Variants in SYNPR observed in about 807,000 individuals in gnomAD.
SYNPR encodes the protein synaptoporin.
A neutral mutation model predicts 32.9 loss-of-function variants in SYNPR; 23 were observed. The ratio of observed to expected loss-of-function variants is 0.70; its 90% confidence interval spans 0.50 to 0.99. The LOEUF (loss-of-function observed/expected upper bound fraction) is 0.99. Among genes scored for constraint, SYNPR ranks in the 50% least tolerant of loss-of-function variants. SYNPR has a pLI of 0.00. For synonymous variants in SYNPR, 146 were observed against 135.9 expected, an observed-to-expected ratio of 1.07 and a Z score of -0.52; for missense variants, 318 against 349.3, an observed-to-expected ratio of 0.91 and a Z score of 0.71.
At chr3:63,339,689 G>A (rs13099815) in intron 2 of SYNPR, among the ~76,000 whole-genome samples, 31,459 of 149,472 alleles carry the variant, frequency 0.21, 3,723 homozygotes, top group South Asian at 0.38. Flanking sequence ...ATGGAGTTTC[G>A]CTCTGTCACC....
chr3:63,271,288 CA>C (rs749641585), intron 3 of SYNPR, among the ~76,000 whole-genome samples: 1 of 152,080 alleles, frequency 6.6e-6, no homozygotes, highest in Non-Finnish European at 1.5e-5. Flanking sequence ...AGAACTTAGG[CA>C]GGCAGAGATT....
At chr3:63,252,617 T>A (rs1251396064) in intron 2 of SYNPR, 1 of 152,194 alleles carries the variant, frequency 6.6e-6, no homozygotes, top group Non-Finnish European at 1.5e-5. Context: ...AATGTGCTGA[T>A]AACAGAACAA....
At chr3:63,499,216 C>G (rs7642736) in intron 3 of SYNPR, among the ~76,000 whole-genome samples, 102,336 of 151,908 alleles carry the variant, frequency 0.67, 35,183 homozygotes, top group African/African-American at 0.81. Context: ...TAATAGAAAG[C>G]ATATATGGGC....
the SYNPR span, among the ~76,000 whole-genome samples, chr3:63,217,609 G>A: frequency 1.4e-5 from 2 of 147,848 alleles, no homozygotes; most frequent in African/African-American, 5.0e-5. Flanking sequence ...CCCACTGTCT[G>A]GCACTCCCTA....
intron 3 of SYNPR, among the ~76,000 whole-genome samples, chr3:63,550,945 A>G (rs997460265): frequency 6.6e-6 from 1 of 152,140 alleles, no homozygotes; most frequent in African/African-American, 2.4e-5. Context: ...TTTCCAGGCC[A>G]CATTTTATTC....
chr3:63,225,344 T>C (rs976351376), upstream of SYNPR, among the ~76,000 whole-genome samples: 9 of 152,230 alleles, frequency 5.9e-5, no homozygotes, highest in South Asian at 2.1e-4. Flanking sequence ...TCATGTGATA[T>C]GACCAATGGG....
chr3:63,609,157 G>T lies in SYNPR; in HGVS notation c.441G>T (p.Leu147Phe), dbSNP rs1340633265. ...TTGTCACTGTAGTCTTTTCGTTCTT[G>T]TGGTTGGTGGGTTCATCAGCTTGGG... ...DFIVTVVFSFLWLVGSSAWAK... is the reference protein window; with the variant it reads ...DFIVTVVFSFFWLVGSSAWAK... Residue 147 changes from leucine to phenylalanine, a missense_variant, in exon 5 of 6, where the codon TTG becomes TTT. Transcript: ENST00000478300. 2 of 1,610,406 alleles carry T rather than the reference G, an allele frequency of 1.2e-6. No homozygotes were observed. Among genetic ancestry groups the T allele is most frequent in the Non-Finnish European group, 1.7e-6 (2 of 1,178,274 alleles).
intron 2 of SYNPR, among the ~76,000 whole-genome samples, chr3:63,336,684 T>C (rs1415397938): frequency 6.6e-6 from 1 of 151,896 alleles, no homozygotes; most frequent in Non-Finnish European, 1.5e-5. Flanking sequence ...TAAGTGATCT[T>C]GGATTTGGTA....
chr3:63,408,176 A>AAG (rs1178564447), intron 2 of SYNPR, among the ~76,000 whole-genome samples: 3 of 118,378 alleles, frequency 2.5e-5, no homozygotes, highest in Non-Finnish European at 5.0e-5. Flanking sequence ...GAAAGAAAGA[A>AAG]AGAAAGAAAG....
rs34834899 is a variant in SYNPR, at chr3:63,615,786, G to A, written c.*305G>A. The A allele has an allele frequency of 0.076, 18,642 of 246,352 alleles. 897 individuals carry two copies. The highest frequency in any genetic ancestry group is 0.1 in the Non-Finnish European group (13,285 of 128,196). The allele number at this position is 246,352 out of a possible 1,614,324, so 15.3% of individuals were successfully genotyped here. ...TAGTAGAAGTATTTTGTAGCTTAAA[G>A]TCTCTAGTATGTAATATGCATAAAG... On this transcript the variant is annotated 3_prime_UTR_variant, in exon 6 of 6. Transcript: ENST00000478300.
At chr3:63,592,023 A>G (rs938872000) in intron 4 of SYNPR, among the ~76,000 whole-genome samples, 2 of 152,062 alleles carry the variant, frequency 1.3e-5, no homozygotes, top group Non-Finnish European at 2.9e-5. Flanking sequence ...TAAGGATCTC[A>G]TAATGAGATC....
At chr3:63,529,353 T>A (rs1170505583) in intron 3 of SYNPR, among the ~76,000 whole-genome samples, 1 of 152,264 alleles carries the variant, frequency 6.6e-6, no homozygotes, top group Non-Finnish European at 1.5e-5. Flanking sequence ...TTTGTGTTAT[T>A]TTCATTGTGG....
At chr3:63,501,494 C>CAAAAAAAAAA (rs377290258) in intron 3 of SYNPR, among the ~76,000 whole-genome samples, 7 of 96,678 alleles carry the variant, frequency 7.2e-5, no homozygotes, top group Non-Finnish European at 1.1e-4. Context: ...CTCCCCCAAC[C>CAAAAAAAAAA]AAAAAAAAAA....
At chr3:63,593,499 C>A (rs1279754245) in intron 4 of SYNPR, among the ~76,000 whole-genome samples, 1 of 152,122 alleles carries the variant, frequency 6.6e-6, no homozygotes, top group East Asian at 1.9e-4. Context: ...TAAAAATCTT[C>A]TTTTCACAAG....
intron 2 of SYNPR, among the ~76,000 whole-genome samples, chr3:63,407,986 G>A (rs908755290): frequency 6.6e-6 from 1 of 151,652 alleles, no homozygotes; most frequent in Non-Finnish European, 1.5e-5. Flanking sequence ...AATGATTCAC[G>A]GGCATCTTTA....
chr3:63,402,634 T>G, intron 2 of SYNPR, among the ~76,000 whole-genome samples: 1 of 152,084 alleles, frequency 6.6e-6, no homozygotes, highest in Non-Finnish European at 1.5e-5. Flanking sequence ...GGAGTGTGCT[T>G]TGTGGCCATT....
intron 2 of SYNPR, among the ~76,000 whole-genome samples, chr3:63,425,192 C>A (rs1475903050): frequency 6.6e-6 from 1 of 152,166 alleles, no homozygotes; most frequent in Non-Finnish European, 1.5e-5. Context: ...TAAACTCTAT[C>A]TATAGAGTAA....
At chr3:63,262,938 A>G (rs1231915004) in intron 2 of SYNPR, among the ~76,000 whole-genome samples, 1 of 152,196 alleles carries the variant, frequency 6.6e-6, no homozygotes, top group Non-Finnish European at 1.5e-5. Context: ...GTTTATTTGC[A>G]TACTAATAAA....
intron 1 of SYNPR, among the ~76,000 whole-genome samples, chr3:63,241,510 G>A (rs4688381): frequency 0.23 from 35,375 of 151,902 alleles, 4,425 homozygotes; most frequent in South Asian, 0.39. Flanking sequence ...TTTAATCAAT[G>A]AGATTTGGGG....
Sources: gnomAD v4.1 joint callset for allele counts (sites outside exome capture counted in the v4.1 genomes callset) on GRCh38, gnomAD v4.1.1 for gene constraint, MANE v1.5 for transcripts, NCBI Gene and HGNC (gene_info 2026-07-23, HGNC 2026-07-21) for gene names.